Variants in SORCS3 observed in about 807,000 individuals in gnomAD.
SORCS3 encodes the protein VPS10 domain-containing receptor SorCS3.
SORCS3 carries 57 observed loss-of-function variants against 146.3 expected under a neutral mutation model. The observed-to-expected ratio is 0.39, with a 90% CI of 0.31 to 0.49. The LOEUF (loss-of-function observed/expected upper bound fraction) is 0.49, where lower values mean the gene tolerates loss of function less well. Among genes scored for constraint, SORCS3 ranks in the 20% least tolerant of loss-of-function variants. The probability of loss-of-function intolerance (pLI) is 0.92; values close to 1 mark genes in which losing one functional copy is unlikely to be tolerated. For missense variants in SORCS3, 1,341 were observed against 1,575.5 expected, an observed-to-expected ratio of 0.85 and a Z score of 2.52; for synonymous variants, 653 against 618.5, an observed-to-expected ratio of 1.06 and a Z score of -0.83.
At chr10:104,768,875 G>A (rs1291896943) in intron 1 of SORCS3, among the ~76,000 whole-genome samples, 1 of 152,212 alleles carries the variant, frequency 6.6e-6, no homozygotes, top group African/African-American at 2.4e-5. Flanking sequence ...GGGTAAGTAT[G>A]TAAAGACCTG....
At chr10:105,093,359 G>A (rs2055723491) in intron 6 of SORCS3, among the ~76,000 whole-genome samples, 1 of 152,050 alleles carries the variant, frequency 6.6e-6, no homozygotes, top group South Asian at 2.1e-4. Context: ...ACCTTGGGAT[G>A]GACAGAGTTT....
intron 2 of SORCS3, among the ~76,000 whole-genome samples, chr10:104,886,646 T>A (rs1281728340): frequency 6.6e-6 from 1 of 152,096 alleles, no homozygotes; most frequent in Non-Finnish European, 1.5e-5. Context: ...TTAAAATATT[T>A]CTTTAGGTGG....
chr10:105,072,655 CTCTCTTT>C (rs749741511), intron 5 of SORCS3, among the ~76,000 whole-genome samples: 14 of 21,464 alleles, frequency 6.5e-4, no homozygotes, highest in Admixed American at 3.2e-3. Context: ...CTTTCTCTCT[CTCTCTTT>C]TTTTTTTTTT....
chr10:104,646,368 T>C (rs2015495747), intron 1 of SORCS3, among the ~76,000 whole-genome samples: 1 of 152,092 alleles, frequency 6.6e-6, no homozygotes, highest in African/African-American at 2.4e-5. Flanking sequence ...TCCAGTGGTG[T>C]TGGATTTAAG....
intron 4 of SORCS3, among the ~76,000 whole-genome samples, chr10:104,987,155 G>A (rs2054966895): frequency 6.6e-6 from 1 of 151,854 alleles, no homozygotes; most frequent in South Asian, 2.1e-4. Context: ...AAAAAATAAG[G>A]TAAGGTAAAG....
intron 14 of SORCS3, among the ~76,000 whole-genome samples, chr10:105,194,597 C>T (rs140615175): frequency 3.6e-4 from 55 of 152,238 alleles, no homozygotes; most frequent in Middle Eastern, 3.4e-3. Flanking sequence ...TAAAATTTCA[C>T]GCTCTAGAAT....
At chr10:104,832,694 G>A (rs879263306) in intron 1 of SORCS3, among the ~76,000 whole-genome samples, 9 of 151,908 alleles carry the variant, frequency 5.9e-5, no homozygotes, top group East Asian at 1.9e-4. Flanking sequence ...CTCCAGCCTC[G>A]GCAACGAGAG....
At chr10:105,253,019 C>T in intron 23 of SORCS3, 113 bp downstream of exon 23, 1 of 1,291,902 alleles carries the variant, frequency 7.7e-7, no homozygotes. Context: ...ACCCCAACAG[C>T]CAAGGTTTTG....
intron 1 of SORCS3, among the ~76,000 whole-genome samples, chr10:104,758,458 C>G (rs1262380491): frequency 6.6e-6 from 1 of 152,158 alleles, no homozygotes; most frequent in African/African-American, 2.4e-5. Context: ...TAAAGTATGG[C>G]ACAGCCTTGA....
chr10:105,177,743 G>A (rs946880833), intron 13 of SORCS3, among the ~76,000 whole-genome samples: 2 of 152,136 alleles, frequency 1.3e-5, no homozygotes, highest in African/African-American at 4.8e-5. Flanking sequence ...AATGGATTGT[G>A]CTGTAAATTG....
intron 5 of SORCS3, among the ~76,000 whole-genome samples, chr10:105,086,854 G>A (rs1042904915): frequency 3.4e-4 from 52 of 152,214 alleles, no homozygotes; most frequent in African/African-American, 1.2e-3. Context: ...CTCCCGTTCT[G>A]TAGGTTGCCT....
intron 11 of SORCS3, among the ~76,000 whole-genome samples, chr10:105,160,275 G>GC (rs1350897919): frequency 3.3e-5 from 5 of 152,122 alleles, no homozygotes; most frequent in African/African-American, 9.7e-5. Context: ...GGCAAAGTGG[G>GC]CATAATAGTA....
intron 3 of SORCS3, among the ~76,000 whole-genome samples, chr10:104,927,826 C>T (rs758990375): frequency 2.0e-5 from 3 of 150,530 alleles, no homozygotes; most frequent in Non-Finnish European, 2.9e-5. Flanking sequence ...TGTGGTGAGC[C>T]GAGATCGTAC....
chr10:105,117,914 C>G (rs1038737532), intron 7 of SORCS3, among the ~76,000 whole-genome samples: 1 of 152,168 alleles, frequency 6.6e-6, no homozygotes, highest in African/African-American at 2.4e-5. Context: ...CTCGTTGCTT[C>G]CTCAATAAGG....
chr10:104,965,291 C>T (rs2054820269), intron 3 of SORCS3, among the ~76,000 whole-genome samples: 1 of 152,226 alleles, frequency 6.6e-6, no homozygotes, highest in Admixed American at 6.5e-5. Flanking sequence ...CACTGACTGT[C>T]TGCCTGCTTC....
chr10:104,760,717 C>T (rs555718649), intron 1 of SORCS3, among the ~76,000 whole-genome samples: 1 of 152,196 alleles, frequency 6.6e-6, no homozygotes, highest in South Asian at 2.1e-4. Flanking sequence ...GGCAATATGA[C>T]GTGACGACAG....
At chr10:105,024,005 G>C (rs1465063581) in intron 4 of SORCS3, among the ~76,000 whole-genome samples, 4 of 152,112 alleles carry the variant, frequency 2.6e-5, no homozygotes, top group Admixed American at 2.6e-4. Context: ...AGATGGGAAG[G>C]CACTGGCCCA....
At chr10:104,807,862 A>G (rs1251771271) in intron 1 of SORCS3, among the ~76,000 whole-genome samples, 2 of 152,180 alleles carry the variant, frequency 1.3e-5, no homozygotes, top group Non-Finnish European at 2.9e-5. Flanking sequence ...TTACTTTCAA[A>G]TCTGGTTTTG....
At chr10:105,057,566 G>T (rs1589612467) in intron 5 of SORCS3, among the ~76,000 whole-genome samples, 1 of 152,060 alleles carries the variant, frequency 6.6e-6, no homozygotes, top group Non-Finnish European at 1.5e-5. Flanking sequence ...CCCTGATTTG[G>T]CAAGAAGAAA....
Sources: allele counts gnomAD v4.1 joint callset (sites outside exome capture counted in the v4.1 genomes callset), GRCh38; gene constraint gnomAD v4.1.1; transcripts MANE v1.5; gene names NCBI Gene and HGNC (gene_info 2026-07-23, HGNC 2026-07-21).